Variants in TENM3 observed in about 807,000 individuals in gnomAD.
The protein encoded by TENM3 is teneurin transmembrane protein 3.
TENM3 carries 63 observed loss-of-function variants against 255.1 expected under a neutral mutation model. That is an observed-to-expected ratio of 0.25 (90% CI 0.20 to 0.30). The LOEUF is 0.30. Among genes scored for constraint, TENM3 ranks in the 10% least tolerant of loss-of-function variants. TENM3 has a pLI of 1.00. For synonymous variants in TENM3, 1,306 were observed against 1,322.3 expected, an observed-to-expected ratio of 0.99 and a Z score of 0.27; for missense variants, 2,929 against 3,461.1, an observed-to-expected ratio of 0.85 and a Z score of 3.86.
chr4:181,518,515 C>T, the TENM3 span, among the ~76,000 whole-genome samples: 2 of 152,234 alleles, frequency 1.3e-5, no homozygotes, highest in Non-Finnish European at 2.9e-5. Context: ...GCAACCTCCG[C>T]CTCCTGGGTT....
At chr4:181,741,392 A>G in the TENM3 span, among the ~76,000 whole-genome samples, 1 of 152,266 alleles carries the variant, frequency 6.6e-6, no homozygotes, top group South Asian at 2.1e-4. Flanking sequence ...GCTCTTGAGA[A>G]TTTGTATATT....
chr4:182,759,454 G>C (rs1333399788), intron 22 of TENM3, among the ~76,000 whole-genome samples: 1 of 152,186 alleles, frequency 6.6e-6, no homozygotes, highest in African/African-American at 2.4e-5. Context: ...TACCAATACT[G>C]AATGTTGAAA....
chr4:181,889,567 G>A, the TENM3 span, among the ~76,000 whole-genome samples: 13 of 152,164 alleles, frequency 8.5e-5, no homozygotes, highest in Admixed American at 7.2e-4. Context: ...TTTAATGATC[G>A]TGGTAGTCGT....
intron 3 of TENM3, among the ~76,000 whole-genome samples, chr4:182,406,944 A>T (rs1769622649): frequency 6.6e-6 from 1 of 152,226 alleles, no homozygotes; most frequent in South Asian, 2.1e-4. Flanking sequence ...CAACGAAACG[A>T]ACTTCAATGT....
the TENM3 span, among the ~76,000 whole-genome samples, chr4:181,967,743 G>A: frequency 6.6e-6 from 1 of 152,144 alleles, no homozygotes; most frequent in Non-Finnish European, 1.5e-5. Flanking sequence ...TTTAGTGACT[G>A]TAGGATAGAG....
At chr4:182,027,195 A>G in the TENM3 span, among the ~76,000 whole-genome samples, 7 of 151,994 alleles carry the variant, frequency 4.6e-5, no homozygotes, top group Non-Finnish European at 1.0e-4. Context: ...GCTATTGTAA[A>G]TGGCTATTGT....
At chr4:182,776,256 A>G (rs1561237283) in intron 24 of TENM3, among the ~76,000 whole-genome samples, 1 of 152,158 alleles carries the variant, frequency 6.6e-6, no homozygotes, top group Non-Finnish European at 1.5e-5. Flanking sequence ...TACTAAAAAT[A>G]CAAAAATCAG....
the TENM3 span, among the ~76,000 whole-genome samples, chr4:181,634,924 C>CATACTCTAT: frequency 6.6e-6 from 1 of 152,096 alleles, no homozygotes; most frequent in East Asian, 1.9e-4. Flanking sequence ...TTATGAAAAA[C>CATACTCTAT]ATACTCTATA....
intron 3 of TENM3, among the ~76,000 whole-genome samples, chr4:182,501,684 A>C (rs1415586034): frequency 6.6e-6 from 1 of 152,144 alleles, no homozygotes; most frequent in Non-Finnish European, 1.5e-5. Flanking sequence ...TTAATGTTTC[A>C]TTTTAAATAT....
intron 12 of TENM3, among the ~76,000 whole-genome samples, chr4:182,701,299 C>T (rs1043962649): frequency 2.2e-5 from 3 of 137,936 alleles, no homozygotes; most frequent in Non-Finnish European, 3.0e-5. Context: ...CGGCTCACTG[C>T]AAGCTCCGCC....
the TENM3 span, among the ~76,000 whole-genome samples, chr4:181,605,845 TATGGGATTCAAGC>T: frequency 2.0e-5 from 3 of 152,268 alleles, no homozygotes; most frequent in South Asian, 6.2e-4. Flanking sequence ...GTATTGGGCC[TATGGGATTCAAGC>T]ATGAGTTAAA....
chr4:181,522,184 G>C, the TENM3 span, among the ~76,000 whole-genome samples: 1 of 148,124 alleles, frequency 6.8e-6, no homozygotes, highest in Non-Finnish European at 1.5e-5. Flanking sequence ...TATGTATAGA[G>C]CAGATACATC....
chr4:181,927,700 G>A, the TENM3 span, among the ~76,000 whole-genome samples: 1 of 152,178 alleles, frequency 6.6e-6, no homozygotes, highest in Non-Finnish European at 1.5e-5. Flanking sequence ...TCCTCAAGTG[G>A]GTCCCTGACC....
rs59875768 is a variant in TENM3, at chr4:182,383,194, T to A, written c.511+36265T>A. On this transcript the variant is annotated intron_variant, in intron 3 of 27. Transcript: ENST00000511685. ...CAGGGTAGGGAGATTCTTGCTAAAC[T>A]CACTTAACAGGATTCTTGCTGATGG... 2.6e-3 allele frequency among the ~76,000 whole-genome samples: 397 copies of A among 152,218 alleles called. 5 individuals are homozygous for A. The highest frequency in any genetic ancestry group is 9.2e-3 in the African/African-American group (384 of 41,544).
At chr4:182,130,470 T>C in the TENM3 span, among the ~76,000 whole-genome samples, 1 of 152,200 alleles carries the variant, frequency 6.6e-6, no homozygotes, top group Non-Finnish European at 1.5e-5. Context: ...TTGTACTATG[T>C]GTTTAAGTGA....
At chr4:181,787,325 T>C in the TENM3 span, among the ~76,000 whole-genome samples, 1 of 150,886 alleles carries the variant, frequency 6.6e-6, no homozygotes, top group East Asian at 2.0e-4. Flanking sequence ...GCCATCATCA[T>C]CTTGCTACAT....
intron 3 of TENM3, among the ~76,000 whole-genome samples, chr4:182,544,947 C>A (rs1048776497): frequency 2.6e-5 from 4 of 152,158 alleles, no homozygotes; most frequent in African/African-American, 9.7e-5. Context: ...AGATCAGGAA[C>A]CATCAATCAG....
chr4:182,171,633 T>C (rs1369801702), intron 1 of TENM3, among the ~76,000 whole-genome samples: 1 of 152,194 alleles, frequency 6.6e-6, no homozygotes, highest in Non-Finnish European at 1.5e-5. Context: ...ATAACCCAGA[T>C]AGATTGGTTG....
intron 1 of TENM3, among the ~76,000 whole-genome samples, chr4:182,166,369 G>T (rs1751724335): frequency 6.6e-6 from 1 of 152,096 alleles, no homozygotes; most frequent in Non-Finnish European, 1.5e-5. Context: ...TGTCTGGAGG[G>T]CCCCCTGGGC....
Sources: gnomAD v4.1 joint callset for allele counts (sites outside exome capture counted in the v4.1 genomes callset) on GRCh38, gnomAD v4.1.1 for gene constraint, MANE v1.5 for transcripts, NCBI Gene and HGNC (gene_info 2026-07-23, HGNC 2026-07-21) for gene names.